Variants in CHODL observed in about 807,000 individuals in gnomAD.
CHODL encodes transmembrane protein MT75.
In CHODL, 29 loss-of-function variants were observed where a neutral mutation model predicts 34.5. The ratio of observed to expected loss-of-function variants is 0.84; its 90% confidence interval spans 0.63 to 1.15. The LOEUF (loss-of-function observed/expected upper bound fraction) is 1.15. CHODL is among the 50% of genes most tolerant of loss of function. The pLI is 0.00. For missense variants in CHODL, 332 were observed against 332.5 expected (o/e 1.00, Z 0.01); for synonymous variants, 125 against 116.1 (o/e 1.08, Z -0.49).
chr21:18,260,148 T>C, intron 3 of CHODL, 52 bp from the exon 4 acceptor site: 3 of 784,052 alleles, frequency 3.8e-6, no homozygotes, highest in Admixed American at 3.0e-5. Context: ...ATATATATTT[T>C]CAATTCTCTT....
In CHODL at chr21:17,954,263, G is replaced by A. The variant is rs149835873; in HGVS notation, c.-145+36863G>A. Among the ~76,000 whole-genome samples the A allele has an allele frequency of 2.4e-3, 366 of 152,252 alleles. 1 individual carries two copies. The highest frequency in any genetic ancestry group is 4.6e-3 in the Admixed American group (71 of 15,296). On this transcript the variant is annotated intron_variant, in intron 1 of 6. Transcript: ENST00000400127. ...TATACAAGAAAACTTCAAAATACAC[G>A]ATGTAAAAGGTGTCAGAAATAAAGG...
chr21:18,009,539 T>C (rs1419865422), intron 1 of CHODL, among the ~76,000 whole-genome samples: 1 of 152,120 alleles, frequency 6.6e-6, no homozygotes, highest in Non-Finnish European at 1.5e-5. Context: ...AAAAAGAATC[T>C]ATAATTTAAG....
intron 1 of CHODL, among the ~76,000 whole-genome samples, chr21:17,939,522 ATAAT>A (rs774304646): frequency 1.2e-4 from 18 of 152,250 alleles, no homozygotes; most frequent in Admixed American, 3.3e-4. Flanking sequence ...CAATTAAATA[ATAAT>A]TAAACAATAA....
chr21:18,029,260 T>G (rs197519), intron 2 of CHODL, among the ~76,000 whole-genome samples: 101,553 of 152,014 alleles, frequency 0.67, 34,798 homozygotes, highest in African/African-American at 0.79. Flanking sequence ...GTTAAACATA[T>G]ATATTGATGT....
chr21:18,186,170 C>T (rs572111448), intron 2 of CHODL, among the ~76,000 whole-genome samples: 7 of 152,174 alleles, frequency 4.6e-5, no homozygotes, highest in South Asian at 4.2e-4. Context: ...ACGACCCTAC[C>T]GACTGCAGAG....
At chr21:18,156,135 G>A (rs2073031667) in intron 2 of CHODL, among the ~76,000 whole-genome samples, 1 of 152,064 alleles carries the variant, frequency 6.6e-6, no homozygotes, top group African/African-American at 2.4e-5. Context: ...GCCCTACCTG[G>A]GATAATTTTT....
rs537398585 is a variant in CHODL at position 17,999,554 on chromosome 21, G to A, written c.-144-28318G>A. 2.0e-4 allele frequency among the ~76,000 whole-genome samples: 31 copies of A among 152,302 alleles called. 1 individual carries two copies. The South Asian group carries it at 3.9e-3, about 19-fold the overall frequency. On this transcript the variant is annotated intron_variant, in intron 1 of 6. Coordinates refer to the CHODL transcript ENST00000400127. ...GCATTTTCAGTTCCCCATGGCTGGCGATGCCTCACAATCATGGTGGGAGAT... is the reference window on the plus strand; with the variant it reads ...GCATTTTCAGTTCCCCATGGCTGGCAATGCCTCACAATCATGGTGGGAGAT...
At chr21:18,188,483 T>C (rs1274273815) in intron 2 of CHODL, among the ~76,000 whole-genome samples, 2 of 152,248 alleles carry the variant, frequency 1.3e-5, no homozygotes, top group African/African-American at 4.8e-5. Context: ...AGATGGTTTA[T>C]AATCTATATG....
In CHODL at chr21:17,998,667, G is replaced by C. The variant is rs570743702; in HGVS notation, c.-144-29205G>C. On this transcript the variant is annotated intron_variant, in intron 1 of 6. Coordinates refer to the CHODL transcript ENST00000400127. ...CTCAACACTACATGGAAGCTGCCAAGGCTTGGGGCTTCCACCCTCTGAAGC... is the reference window on the plus strand; with the variant it reads ...CTCAACACTACATGGAAGCTGCCAACGCTTGGGGCTTCCACCCTCTGAAGC... Among the ~76,000 whole-genome samples, 49 of 152,366 alleles carry C rather than the reference G, an allele frequency of 3.2e-4. No homozygotes were observed. In the South Asian group the frequency reaches 8.7e-3, roughly 27 times the overall value.
At chr21:17,922,913 C>T (rs12483150) in intron 1 of CHODL, among the ~76,000 whole-genome samples, 45,561 of 151,852 alleles carry the variant, frequency 0.3, 8,311 homozygotes, top group South Asian at 0.47. Context: ...TTTAGGGAGA[C>T]GGGAGACATC....
intron 2 of CHODL, among the ~76,000 whole-genome samples, chr21:18,070,025 T>TTCCCTTCCCTTCCCTTCCCA (rs1555860424): frequency 3.4e-5 from 1 of 29,090 alleles, no homozygotes; most frequent in African/African-American, 8.2e-5. Flanking sequence ...TTCCCTTCCC[T>TTCCCTTCCCTTCCCTTCCCA]CCCCCCCCCC....
intron 2 of CHODL, among the ~76,000 whole-genome samples, chr21:18,113,530 A>G (rs372969857): frequency 1.2e-4 from 18 of 152,292 alleles, no homozygotes; most frequent in Middle Eastern, 3.4e-3. Context: ...CAAAAGGTGA[A>G]GGGGAAGCAG....
chr21:18,011,128 G>A (rs1182957200), intron 1 of CHODL, among the ~76,000 whole-genome samples: 1 of 152,152 alleles, frequency 6.6e-6, no homozygotes, highest in Non-Finnish European at 1.5e-5. Flanking sequence ...TGGGGCAAGT[G>A]TATGGTAGTA....
chr21:18,051,541 G>T (rs2064516806), intron 2 of CHODL, among the ~76,000 whole-genome samples: 1 of 151,772 alleles, frequency 6.6e-6, no homozygotes, highest in Non-Finnish European at 1.5e-5. Context: ...GCAATGTGAA[G>T]TTATTTGAAA....
intron 1 of CHODL, among the ~76,000 whole-genome samples, chr21:17,969,014 C>T (rs1383044762): frequency 1.3e-5 from 2 of 152,174 alleles, no homozygotes; most frequent in African/African-American, 4.8e-5. Context: ...CCTGGGGTAA[C>T]TGCTTAAGTT....
intron 1 of CHODL, among the ~76,000 whole-genome samples, chr21:18,254,848 G>A (rs750381906): frequency 8.6e-5 from 13 of 151,926 alleles, no homozygotes; most frequent in Non-Finnish European, 1.9e-4. Flanking sequence ...AACATGTAGA[G>A]GTATGCGAAA....
At chr21:18,040,896 G>A (rs1288241604) in intron 2 of CHODL, among the ~76,000 whole-genome samples, 1 of 151,612 alleles carries the variant, frequency 6.6e-6, no homozygotes, top group East Asian at 1.9e-4. Flanking sequence ...TCCCTTGATT[G>A]TATTGGTAAT....
intron 3 of CHODL, among the ~76,000 whole-genome samples, chr21:18,257,534 G>C (rs73318244): frequency 0.062 from 9,511 of 152,196 alleles, 1,026 homozygotes; most frequent in African/African-American, 0.22. Context: ...CTGACTTTAA[G>C]AGAACAAAGC....
chr21:17,992,044 A>G (rs1400258113), intron 1 of CHODL, among the ~76,000 whole-genome samples: 1 of 152,052 alleles, frequency 6.6e-6, no homozygotes, highest in Non-Finnish European at 1.5e-5. Context: ...CTGCATATTG[A>G]TATCCAGTTT....
Sources: gnomAD v4.1 joint callset for allele counts (sites outside exome capture counted in the v4.1 genomes callset) on GRCh38, gnomAD v4.1.1 for gene constraint, MANE v1.5 for transcripts, NCBI Gene and HGNC (gene_info 2026-07-23, HGNC 2026-07-21) for gene names.